Variants in PDE4D observed in about 807,000 individuals in gnomAD.
PDE4D encodes phosphodiesterase 4D.
In PDE4D, 24 loss-of-function variants were observed where a neutral mutation model predicts 87.4. The observed-to-expected ratio is 0.27, with a 90% CI of 0.20 to 0.39. The LOEUF (loss-of-function observed/expected upper bound fraction) is 0.39. PDE4D is among the 10% of genes least tolerant of loss of function. PDE4D has a pLI of 1.00. For missense variants in PDE4D, 714 were observed against 1,041.0 expected, an observed-to-expected ratio of 0.69 and a Z score of 4.32; for synonymous variants, 384 against 383.2, an observed-to-expected ratio of 1.00 and a Z score of -0.02.
chr5:59,988,353 C>CT lies in PDE4D; in HGVS notation c.272+134dup, dbSNP rs1212852091. ...AGAAATGTCACCTGAGAAATTCATC[C>CT]TTTTTTTTTTGACTCTAGAAACCCC... On this transcript the variant is annotated intron_variant, in intron 3 of 16. Transcript: ENST00000502484. The CT allele has an allele frequency of 6.5e-3, 2,911 of 451,174 alleles. 1 individual carries two copies. The highest frequency in any genetic ancestry group is 8.2e-3 in the South Asian group (209 of 25,630). 27.9% of individuals were successfully genotyped at this position (451,174 alleles called of 1,614,324 possible).
intron 2 of PDE4D, among the ~76,000 whole-genome samples, chr5:60,008,335 C>T (rs1278460956): frequency 6.6e-6 from 1 of 151,874 alleles, no homozygotes; most frequent in Admixed American, 6.6e-5. Context: ...GATCACACAC[C>T]CTCACAGTAG....
rs1742305848 is a variant in PDE4D at position 58,969,874 on chromosome 5, A to G, written c.*4790T>C. On this transcript the variant is annotated 3_prime_UTR_variant, in exon 15 of 15. Transcript: ENST00000340635. ...TAGAAAACACCATGCTTAATCTTATAGGCCATCTAAGTAATTTTGGTAATT... is the reference window on the plus strand; with the variant it reads ...TAGAAAACACCATGCTTAATCTTATGGGCCATCTAAGTAATTTTGGTAATT... The G allele has an allele frequency of 1.3e-5, 2 of 152,186 alleles. No individual in the cohort carries two copies. The highest frequency in any genetic ancestry group is 2.4e-5 in the African/African-American group (1 of 41,456). The allele number at this position is 152,186 out of a possible 1,614,324, so 9.4% of individuals were successfully genotyped here.
intron 7 of PDE4D, among the ~76,000 whole-genome samples, chr5:58,992,441 C>T (rs3805553): frequency 6.6e-6 from 1 of 151,988 alleles, no homozygotes; most frequent in Non-Finnish European, 1.5e-5. Flanking sequence ...AAACTTTATA[C>T]GCAAATGTCA....
chr5:59,963,685 C>A lies in PDE4D; in HGVS notation c.272+24803G>T, dbSNP rs150915089. On this transcript the variant is annotated intron_variant, in intron 3 of 16. Transcript: ENST00000502484. ...ACATTACTCTTTCCATTAGTAAAGT[C>A]TATTCCATAGTTATACAGAGTTTTT... Among the ~76,000 whole-genome samples, 10 of 152,256 alleles carry A rather than the reference C, an allele frequency of 6.6e-5. No homozygotes were observed. The East Asian group carries it at 1.9e-3, about 29-fold the overall frequency.
chr5:59,418,318 C>G (rs1440723749), intron 1 of PDE4D, among the ~76,000 whole-genome samples: 2 of 152,204 alleles, frequency 1.3e-5, no homozygotes, highest in East Asian at 3.8e-4. Context: ...ATGATTGCCT[C>G]TCAAGTTCAA....
At chr5:59,773,276 A>G (rs539855925) in intron 1 of PDE4D, among the ~76,000 whole-genome samples, 1 of 152,212 alleles carries the variant, frequency 6.6e-6, no homozygotes, top group Non-Finnish European at 1.5e-5. Context: ...TAGTTTACCA[A>G]TGGCATAAAT....
intron 1 of PDE4D, among the ~76,000 whole-genome samples, chr5:60,478,402 G>A (rs1315173953): frequency 1.3e-5 from 2 of 152,158 alleles, no homozygotes; most frequent in East Asian, 1.9e-4. Context: ...ATGGAGCCAC[G>A]TACGTTCACT....
chr5:60,403,902 G>A lies in PDE4D; in HGVS notation c.-90+84040C>T, dbSNP rs1267505759. On this transcript the variant is annotated intron_variant, in intron 1 of 16. Transcript: ENST00000502484. Reference sequence around the variant, plus strand: ...GCCTTCTCTTTTTAAGGTTGGACAGGACAAACTGTTTCATAAAACTTTTGT... The same window carrying A: ...GCCTTCTCTTTTTAAGGTTGGACAGAACAAACTGTTTCATAAAACTTTTGT... Among the ~76,000 whole-genome samples the A allele has an allele frequency of 1.3e-5, 2 of 152,200 alleles. 1 individual carries two copies. Among genetic ancestry groups the A allele is most frequent in the Non-Finnish European group, 2.9e-5 (2 of 68,042 alleles).
chr5:60,378,153 A>C (rs1187212649), intron 1 of PDE4D, among the ~76,000 whole-genome samples: 1 of 152,214 alleles, frequency 6.6e-6, no homozygotes, highest in Non-Finnish European at 1.5e-5. Context: ...TAATGATAGT[A>C]ATCCCAAAAT....
chr5:59,836,907 C>T (rs1742204049), intron 1 of PDE4D, among the ~76,000 whole-genome samples: 1 of 151,938 alleles, frequency 6.6e-6, no homozygotes, highest in Admixed American at 6.6e-5. Flanking sequence ...TTCTTTACTT[C>T]TTTGCACCCT....
intron 5 of PDE4D, among the ~76,000 whole-genome samples, chr5:59,096,597 C>T (rs1266982157): frequency 6.6e-6 from 1 of 151,986 alleles, no homozygotes; most frequent in Non-Finnish European, 1.5e-5. Context: ...ACATAAAAAA[C>T]CTGGAAAGGT....
At chr5:60,013,729 G>T (rs1048226006) in intron 2 of PDE4D, among the ~76,000 whole-genome samples, 3 of 152,146 alleles carry the variant, frequency 2.0e-5, no homozygotes, top group African/African-American at 7.2e-5. Context: ...TTTCTCCCAT[G>T]TTGATCCTGG....
chr5:58,993,828 T>G (rs984363187), intron 6 of PDE4D, among the ~76,000 whole-genome samples: 11 of 152,022 alleles, frequency 7.2e-5, no homozygotes, highest in Non-Finnish European at 1.5e-4. Context: ...GAAGGGAAAA[T>G]CAGGAGAAAT....
intron 1 of PDE4D, among the ~76,000 whole-genome samples, chr5:59,649,365 TG>T (rs1287191795): frequency 6.6e-6 from 1 of 152,070 alleles, no homozygotes; most frequent in Admixed American, 6.6e-5. Flanking sequence ...TGCAGAAGTG[TG>T]AGCCGGGGGA....
chr5:59,601,967 C>CA lies in PDE4D; in HGVS notation c.455+291200dup, dbSNP rs570141154. Reference sequence around the variant, plus strand: ...ATACCAAAGCCAGAGAAGGACACTACAAAAAAAGAAAACTACAGGCCAAAG... The same window carrying CA: ...ATACCAAAGCCAGAGAAGGACACTACAAAAAAAAGAAAACTACAGGCCAAAG... On this transcript the variant is annotated intron_variant, in intron 1 of 14. Transcript: ENST00000340635. Among the ~76,000 whole-genome samples, 560 of 151,824 alleles carry CA rather than the reference C, an allele frequency of 3.7e-3. 7 individuals are homozygous for CA. The highest frequency in any genetic ancestry group is 0.013 in the African/African-American group (542 of 41,416).
chr5:59,310,925 T>G (rs969637916), intron 1 of PDE4D, among the ~76,000 whole-genome samples: 1 of 152,138 alleles, frequency 6.6e-6, no homozygotes, highest in East Asian at 1.9e-4. Context: ...AGCTGCTGGC[T>G]AGGGATAAGA....
Position 59,298,004 on chromosome 5 carries a change from T to C in PDE4D, c.456-82036A>G, listed in dbSNP as rs189218728. Among the ~76,000 whole-genome samples the C allele has an allele frequency of 3.9e-5, 6 of 151,936 alleles. No homozygotes were observed. In the East Asian group the frequency reaches 7.7e-4, roughly 20 times the overall value. ...CTAATAAAAATGGAATGGGTTCCCTTGGGGTTGGTAGGAGAGGTGATTTCT... is the reference window on the plus strand; with the variant it reads ...CTAATAAAAATGGAATGGGTTCCCTCGGGGTTGGTAGGAGAGGTGATTTCT... On this transcript the variant is annotated intron_variant, in intron 1 of 14. Coordinates refer to ENST00000340635, the MANE Select transcript of PDE4D (RefSeq NM_001104631.2).
At chr5:60,024,120 A>G (rs1766378703) in intron 2 of PDE4D, among the ~76,000 whole-genome samples, 1 of 152,222 alleles carries the variant, frequency 6.6e-6, no homozygotes, top group South Asian at 2.1e-4. Flanking sequence ...TTAAAAAATA[A>G]ATAGTATTCA....
At chr5:59,324,342 C>T (rs181919471) in intron 1 of PDE4D, among the ~76,000 whole-genome samples, 2 of 152,276 alleles carry the variant, frequency 1.3e-5, no homozygotes, top group African/African-American at 4.8e-5. Flanking sequence ...CAAATATCCA[C>T]CTACCCTTGC....
Sources: gnomAD v4.1 joint callset for allele counts (sites outside exome capture counted in the v4.1 genomes callset) on GRCh38, gnomAD v4.1.1 for gene constraint, MANE v1.5 for transcripts, NCBI Gene and HGNC (gene_info 2026-07-23, HGNC 2026-07-21) for gene names.